RARB: variants seen among roughly 807,000 people sequenced by gnomAD.
RARB encodes the protein retinoic acid receptor beta, also known as HBV-activated protein.
A neutral mutation model predicts 51.9 loss-of-function variants in RARB; 17 were observed. The ratio of observed to expected loss-of-function variants is 0.33; its 90% confidence interval spans 0.22 to 0.49. The LOEUF (loss-of-function observed/expected upper bound fraction) is 0.49. Ranked by LOEUF, RARB falls within the 20% of genes least tolerant of loss-of-function variation. The probability of loss-of-function intolerance (pLI) is 0.99; values close to 1 mark genes in which losing one functional copy is unlikely to be tolerated. For missense variants in RARB, 369 were observed against 550.8 expected, an observed-to-expected ratio of 0.67 and a Z score of 3.30; for synonymous variants, 215 against 195.4, an observed-to-expected ratio of 1.10 and a Z score of -0.84.
At chr3:25,038,503 T>C (rs1698047933) in intron 2 of RARB, among the ~76,000 whole-genome samples, 1 of 152,136 alleles carries the variant, frequency 6.6e-6, no homozygotes, top group South Asian at 2.1e-4. Flanking sequence ...AGAGCTGTAA[T>C]ATATAGGTCA....
intron 3 of RARB, among the ~76,000 whole-genome samples, chr3:25,094,613 G>A: frequency 6.7e-6 from 1 of 150,348 alleles, no homozygotes; most frequent in Admixed American, 6.7e-5. Flanking sequence ...AGCTATTCAG[G>A]AGGCTTAGGG....
chr3:24,883,506 C>T (rs1703212469), intron 2 of RARB, among the ~76,000 whole-genome samples: 2 of 152,014 alleles, frequency 1.3e-5, no homozygotes, highest in South Asian at 4.1e-4. Context: ...AAAGCAGGAA[C>T]ACTACTGTTT....
chr3:25,166,789 A>C (rs78703772), intron 4 of RARB, among the ~76,000 whole-genome samples: 2 of 152,086 alleles, frequency 1.3e-5, no homozygotes, highest in African/African-American at 4.8e-5. Flanking sequence ...CTCAAGGCCA[A>C]CTCTAATAAG....
intron 2 of RARB, among the ~76,000 whole-genome samples, chr3:24,896,203 G>A (rs1703476084): frequency 6.6e-6 from 1 of 152,140 alleles, no homozygotes; most frequent in African/African-American, 2.4e-5. Context: ...CCACAGGCTG[G>A]AGGAAGGGGA....
chr3:25,140,071 A>AT (rs1003473056), intron 4 of RARB, among the ~76,000 whole-genome samples: 1 of 148,498 alleles, frequency 6.7e-6, no homozygotes, highest in Non-Finnish European at 1.5e-5. Flanking sequence ...AGGTGGAGAT[A>AT]TACAAGGACA....
chr3:24,887,317 CTG>C (rs576047195), intron 2 of RARB, among the ~76,000 whole-genome samples: 12 of 152,156 alleles, frequency 7.9e-5, no homozygotes, highest in Non-Finnish European at 1.6e-4. Flanking sequence ...AGATTTATAT[CTG>C]TAACATATTG....
intron 2 of RARB, among the ~76,000 whole-genome samples, chr3:25,004,011 C>T (rs1020189733): frequency 7.2e-5 from 11 of 152,112 alleles, no homozygotes; most frequent in African/African-American, 2.7e-4. Flanking sequence ...AAATAAACTC[C>T]AGATTTTAGT....
Position 25,171,643 on chromosome 3 carries a change from TAAAA to T in RARB, c.-279-2461_-279-2458del, listed in dbSNP as rs770248970. On this transcript the variant is annotated intron_variant, in intron 4 of 11. Transcript: ENST00000383772. The stretch of plus-strand genomic sequence containing the variant: ...TTTTTCCCAACCAGTCCCTGGTTGG[TAAAA>T]AAAAAAAAAAAAAACAGCTTTAAAA... Among the ~76,000 whole-genome samples, 51 of 45,468 alleles carry T rather than the reference TAAAA, an allele frequency of 1.1e-3. 2 individuals are homozygous for T. Among genetic ancestry groups the T allele is most frequent in the Non-Finnish European group, 1.8e-3 (46 of 25,290 alleles). 29.8% of individuals were successfully genotyped at this position (45,468 alleles called of 152,430 possible).
intron 2 of RARB, among the ~76,000 whole-genome samples, chr3:24,891,256 T>C (rs932137395): frequency 2.0e-5 from 3 of 152,216 alleles, no homozygotes; most frequent in Non-Finnish European, 4.4e-5. Context: ...CAAACTAGGC[T>C]ATGAGTCTTT....
chr3:25,102,909 G>A (rs182373998), intron 3 of RARB, among the ~76,000 whole-genome samples: 1 of 152,164 alleles, frequency 6.6e-6, no homozygotes, highest in East Asian at 1.9e-4. Flanking sequence ...AAATTAGCTG[G>A]TGGTGGTGAT....
chr3:24,852,722 C>T (rs1489141474), intron 1 of RARB, among the ~76,000 whole-genome samples: 1 of 152,212 alleles, frequency 6.6e-6, no homozygotes, highest in African/African-American at 2.4e-5. Context: ...TAAAAACCAT[C>T]TTCCTAACTG....
intron 5 of RARB, among the ~76,000 whole-genome samples, chr3:25,290,415 C>T (rs1402237310): frequency 2.6e-5 from 4 of 152,146 alleles, no homozygotes; most frequent in Non-Finnish European, 5.9e-5. Flanking sequence ...CTTGATTTCA[C>T]ACTGCTAGCC....
At chr3:25,280,888 G>A (rs1050496740) in intron 5 of RARB, among the ~76,000 whole-genome samples, 3 of 152,074 alleles carry the variant, frequency 2.0e-5, no homozygotes, top group African/African-American at 7.2e-5. Context: ...CTTGGTCTCG[G>A]AGTGGGTTTA....
At chr3:25,186,354 T>C (rs1309298435) in intron 5 of RARB, among the ~76,000 whole-genome samples, 1 of 151,984 alleles carries the variant, frequency 6.6e-6, no homozygotes, top group Non-Finnish European at 1.5e-5. Context: ...GGTGAGATCC[T>C]ACACTGGTAT....
chr3:25,040,829 A>T (rs994701339), intron 2 of RARB, among the ~76,000 whole-genome samples: 4 of 152,188 alleles, frequency 2.6e-5, no homozygotes, highest in Admixed American at 2.6e-4. Context: ...CCATTGTCTC[A>T]CTAGATAGTC....
At chr3:25,255,191 C>T (rs930148888) in intron 5 of RARB, among the ~76,000 whole-genome samples, 1 of 152,108 alleles carries the variant, frequency 6.6e-6, no homozygotes, top group African/African-American at 2.4e-5. Flanking sequence ...CCCACCTTCA[C>T]AGACACAGTA....
chr3:25,426,329 T>G (rs1320672386), upstream of RARB, among the ~76,000 whole-genome samples: 1 of 152,244 alleles, frequency 6.6e-6, no homozygotes, highest in East Asian at 1.9e-4. Flanking sequence ...AAACACAGAT[T>G]CAGCAAAAAT....
intron 5 of RARB, among the ~76,000 whole-genome samples, chr3:25,212,357 C>T (rs569771715): frequency 1.3e-4 from 20 of 152,292 alleles, no homozygotes; most frequent in South Asian, 8.3e-4. Context: ...CAGTGGCTCA[C>T]GCCCATAATC....
chr3:25,155,644 C>G (rs1400580805), intron 4 of RARB, among the ~76,000 whole-genome samples: 3 of 152,238 alleles, frequency 2.0e-5, no homozygotes, highest in South Asian at 4.1e-4. Context: ...CTGGGACCCA[C>G]ACACTTTTTT....
Sources: gnomAD v4.1 joint callset for allele counts (sites outside exome capture counted in the v4.1 genomes callset) on GRCh38, gnomAD v4.1.1 for gene constraint, MANE v1.5 for transcripts, NCBI Gene and HGNC (gene_info 2026-07-23, HGNC 2026-07-21) for gene names.